The following UTRN variants were observed in gnomAD, a reference collection of about 807,000 sequenced individuals.
The protein encoded by UTRN is dystrophin-related protein 1.
In UTRN, 283 loss-of-function variants were observed where a neutral mutation model predicts 463.9. The observed-to-expected ratio is 0.61, with a 90% CI of 0.55 to 0.67. The LOEUF (loss-of-function observed/expected upper bound fraction) is 0.67, where lower values mean the gene tolerates loss of function less well. Ranked by LOEUF, UTRN falls within the 30% of genes least tolerant of loss-of-function variation. The pLI is 0.00. For synonymous variants in UTRN, 1,442 were observed against 1,431.5 expected (o/e 1.01, Z -0.17); for missense variants, 3,922 against 4,084.3 (o/e 0.96, Z 1.08).
chr6:144,577,005 G>A lies in UTRN; in HGVS notation c.7290-94G>A, dbSNP rs1801500989. On this transcript the variant is annotated intron_variant, in intron 50 of 74. Coordinates refer to ENST00000367545, the MANE Select transcript of UTRN (RefSeq NM_007124.3). The stretch of plus-strand genomic sequence containing the variant: ...TGACTTGAATAAAAGGTCCTTTGGG[G>A]GCTGCCTGTTAGTTTTTTATTTAGG... 5.7e-6 allele frequency: 7 copies of A among 1,230,330 alleles called. No homozygotes were observed. In the South Asian group the frequency reaches 1.0e-4, roughly 18 times the overall value. The allele number at this position is 1,230,330 out of a possible 1,614,324, so 76.2% of individuals were successfully genotyped here.
At position 144,288,761 on chromosome 6, in the gene UTRN, T is replaced by TTTC. The variant is rs1045752635; in HGVS notation, c.-93+2942_-93+2943insCTT. Among the ~76,000 whole-genome samples the TTTC allele has an allele frequency of 8.4e-4, 124 of 147,896 alleles. 1 individual carries two copies. In the East Asian group the frequency reaches 0.021, roughly 25 times the overall value. ...ATCCAACTCTCTCTCTCTCTCTTTT[T>TTTC]TTTTTTTTTTTTTTTGAGATGGAGT... On this transcript the variant is annotated intron_variant, in intron 1 of 74. Transcript: ENST00000367545.
chr6:144,761,439 G>T (rs1792663239), intron 58 of UTRN, among the ~76,000 whole-genome samples: 1 of 151,924 alleles, frequency 6.6e-6, no homozygotes, highest in Non-Finnish European at 1.5e-5. Context: ...TGGATTGCTT[G>T]CCCCCAGGAG....
At chr6:144,581,522 C>T (rs898914215) in intron 51 of UTRN, among the ~76,000 whole-genome samples, 5 of 152,146 alleles carry the variant, frequency 3.3e-5, no homozygotes, top group Non-Finnish European at 7.4e-5. Flanking sequence ...TTTTCATCGT[C>T]TTGTTCCATA....
intron 2 of UTRN, chr6:144,398,031 C>G (rs1782604332): frequency 8.5e-6 from 2 of 235,544 alleles, no homozygotes; most frequent in South Asian, 7.5e-5. Context: ...TCCTGCTCAC[C>G]ATTGCTGATG....
chr6:144,791,072 A>G (rs947428205), intron 62 of UTRN, among the ~76,000 whole-genome samples: 4 of 152,202 alleles, frequency 2.6e-5, no homozygotes, highest in Non-Finnish European at 1.5e-5. Context: ...CTAAATCTTT[A>G]CTGGGATATC....
At chr6:144,479,720 G>T in intron 25 of UTRN, 92 bp from the exon 26 acceptor site, 1 of 1,449,248 alleles carries the variant, frequency 6.9e-7, no homozygotes, top group Non-Finnish European at 9.3e-7. Flanking sequence ...GTTGTGGAAA[G>T]TTATTACTGT....
At position 144,499,404 on chromosome 6, in the gene UTRN, G is replaced by T; in HGVS notation, c.4741G>T (p.Asp1581Tyr). 1 of 1,607,754 alleles carries T rather than the reference G, an allele frequency of 6.2e-7. No homozygotes were observed. The highest frequency in any genetic ancestry group is 1.1e-5 in the South Asian group (1 of 90,332). ...TTCAGAAGGTCTGCTTGGTGACTTG[G>T]ATACAGAAATTTCCTGGGCTAAAGT... The part of the protein sequence containing the change: ...STSEGLLGDL[D>Y]TEISWAKNVL... Residue 1581 changes from aspartate (D) to tyrosine (Y), a missense_variant, in exon 34 of 75, where the codon GAT becomes TAT. This residue lies in a region of UTRN where 2,349 missense variants were observed against 2,303.8 expected (regional missense o/e 1.02). Coordinates refer to ENST00000367545, the MANE Select transcript of UTRN (RefSeq NM_007124.3).
Position 144,499,241 on chromosome 6 carries a change from C to A in UTRN, c.4594-16C>A. ...CCATCTCAGTCTCAGTCTCTCCCTG[C>A]CTCTCTCCGTCTCAGGTGACAGAAG... On this transcript the variant is annotated splice_polypyrimidine_tract_variant and intron_variant, in intron 33 of 74. Transcript: ENST00000367545. 6.2e-7 allele frequency: 1 copy of A among 1,607,034 alleles called. No individual in the cohort carries two copies. The highest frequency in any genetic ancestry group is 1.1e-5 in the South Asian group (1 of 90,282).
At chr6:144,632,060 T>A in intron 51 of UTRN, among the ~76,000 whole-genome samples, 1 of 152,172 alleles carries the variant, frequency 6.6e-6, no homozygotes, top group East Asian at 1.9e-4. Flanking sequence ...AACATGCATA[T>A]CCGAAAGCTT....
chr6:144,623,117 G>C (rs939297735), intron 51 of UTRN, among the ~76,000 whole-genome samples: 1 of 152,200 alleles, frequency 6.6e-6, no homozygotes. Flanking sequence ...TCTGTAAATA[G>C]AGGACTGAAC....
intron 13 of UTRN, among the ~76,000 whole-genome samples, chr6:144,441,848 C>T (rs1246877359): frequency 1.3e-5 from 2 of 152,216 alleles, no homozygotes; most frequent in Non-Finnish European, 2.9e-5. Context: ...TGTGTACCCG[C>T]AGGCTCAACA....
chr6:144,488,649 T>G (rs1180862891), intron 29 of UTRN, 24 bp from the exon 30 acceptor site: 1 of 1,606,004 alleles, frequency 6.2e-7, no homozygotes, highest in Non-Finnish European at 8.5e-7. Context: ...GGGCAACTAA[T>G]GATTCAATTT....
chr6:144,321,270 A>T (rs1485303428), intron 2 of UTRN, among the ~76,000 whole-genome samples: 2 of 152,136 alleles, frequency 1.3e-5, no homozygotes, highest in Non-Finnish European at 2.9e-5. Context: ...GTTTGTCTAT[A>T]TACATACATA....
At chr6:144,808,178 A>G (rs1778311913) in intron 65 of UTRN, among the ~76,000 whole-genome samples, 2 of 152,116 alleles carry the variant, frequency 1.3e-5, no homozygotes, top group African/African-American at 2.4e-5. Flanking sequence ...GGAAATAGAG[A>G]GAAAATTTCA....
chr6:144,838,838 T>A (rs149400005), intron 71 of UTRN, among the ~76,000 whole-genome samples: 5 of 152,360 alleles, frequency 3.3e-5, no homozygotes, highest in Admixed American at 6.5e-5. Flanking sequence ...ATAAATTTAC[T>A]GTATTAGAAA....
intron 50 of UTRN, among the ~76,000 whole-genome samples, chr6:144,572,332 T>C (rs1801018254): frequency 6.6e-6 from 1 of 152,106 alleles, no homozygotes; most frequent in Admixed American, 6.6e-5. Flanking sequence ...TCTTGAAAAA[T>C]GGTATGTAGG....
At chr6:144,763,830 T>C (rs769212643) in intron 58 of UTRN, among the ~76,000 whole-genome samples, 8 of 152,298 alleles carry the variant, frequency 5.3e-5, no homozygotes, top group Admixed American at 1.3e-4. Flanking sequence ...TAATTAACAA[T>C]GAAAAATAAA....
chr6:144,616,492 A>G (rs1337091027), intron 51 of UTRN, among the ~76,000 whole-genome samples: 1 of 151,764 alleles, frequency 6.6e-6, no homozygotes, highest in Non-Finnish European at 1.5e-5. Flanking sequence ...CTATGCACTC[A>G]TGGATCAGTG....
intron 25 of UTRN, among the ~76,000 whole-genome samples, chr6:144,475,830 C>A (rs1332759212): frequency 6.6e-6 from 1 of 152,070 alleles, no homozygotes; most frequent in African/African-American, 2.4e-5. Flanking sequence ...AATCCCAGTA[C>A]TTTGGGAGGC....
Sources: gnomAD v4.1 joint callset for allele counts (sites outside exome capture counted in the v4.1 genomes callset) on GRCh38, gnomAD v4.1.1 for gene constraint, gnomAD v4.1.1 regional missense constraint, MANE v1.5 for transcripts, NCBI Gene and HGNC (gene_info 2026-07-23, HGNC 2026-07-21) for gene names.